NBEA: variants seen among roughly 807,000 people sequenced by gnomAD.
The protein encoded by NBEA is lysosomal-trafficking regulator 2.
A neutral mutation model predicts 343.4 loss-of-function variants in NBEA; 44 were observed. The ratio of observed to expected loss-of-function variants is 0.13; its 90% CI spans 0.10 to 0.16. NBEA has a LOEUF of 0.16. Ranked by LOEUF, NBEA falls within the 10% of genes least tolerant of loss-of-function variation. The pLI is 1.00. For missense variants in NBEA, 2,555 were observed against 3,631.3 expected (o/e 0.70, Z 7.62); for synonymous variants, 1,175 against 1,238.7 (o/e 0.95, Z 1.08).
At chr13:35,021,286 T>C (rs988556673) in intron 1 of NBEA, among the ~76,000 whole-genome samples, 14 of 152,208 alleles carry the variant, frequency 9.2e-5, no homozygotes, top group African/African-American at 3.4e-4. Flanking sequence ...GTAGTTATCA[T>C]GGAGACCAAA....
chr13:35,050,725 T>A (rs758010428), intron 6 of NBEA, among the ~76,000 whole-genome samples: 62 of 152,106 alleles, frequency 4.1e-4, no homozygotes, highest in Admixed American at 1.9e-3. Context: ...TGCCTTTTTT[T>A]AAAAAAGTTA....
At chr13:35,535,282 T>C (rs1204851795) in intron 41 of NBEA, among the ~76,000 whole-genome samples, 1 of 152,194 alleles carries the variant, frequency 6.6e-6, no homozygotes, top group African/African-American at 2.4e-5. Context: ...AGTTGAAGCA[T>C]GAAGGTGCTT....
At chr13:35,515,370 A>T (rs150803226) in intron 41 of NBEA, among the ~76,000 whole-genome samples, 1 of 152,196 alleles carries the variant, frequency 6.6e-6, no homozygotes, top group Non-Finnish European at 1.5e-5. Flanking sequence ...TAGGATACTG[A>T]CAAGGCACTT....
intron 1 of NBEA, among the ~76,000 whole-genome samples, chr13:34,981,997 A>C (rs1239068730): frequency 2.6e-5 from 4 of 151,610 alleles, no homozygotes; most frequent in Non-Finnish European, 5.9e-5. Flanking sequence ...TGGTTTATCA[A>C]CATTATTAAT....
intron 49 of NBEA, among the ~76,000 whole-genome samples, chr13:35,641,838 A>T (rs1048036554): frequency 2.6e-5 from 4 of 152,118 alleles, no homozygotes; most frequent in African/African-American, 9.7e-5. Context: ...ATGTATATAC[A>T]TACATATATA....
intron 10 of NBEA, among the ~76,000 whole-genome samples, chr13:35,083,698 A>G (rs2064557621): frequency 6.6e-6 from 1 of 152,180 alleles, no homozygotes; most frequent in South Asian, 2.1e-4. Flanking sequence ...AAACTGCATC[A>G]ACTAATGGGC....
intron 38 of NBEA, among the ~76,000 whole-genome samples, chr13:35,382,015 T>G (rs2042037184): frequency 6.6e-6 from 1 of 152,100 alleles, no homozygotes; most frequent in Non-Finnish European, 1.5e-5. Flanking sequence ...ACAGATATAA[T>G]AGGCATTCAT....
intron 47 of NBEA, among the ~76,000 whole-genome samples, chr13:35,599,114 A>C (rs907165327): frequency 6.6e-6 from 1 of 152,058 alleles, no homozygotes; most frequent in Non-Finnish European, 1.5e-5. Flanking sequence ...TTCCACCACT[A>C]CTTAAGAGGG....
chr13:35,315,781 T>C (rs1227202970), intron 36 of NBEA, among the ~76,000 whole-genome samples: 2 of 152,178 alleles, frequency 1.3e-5, no homozygotes, highest in Admixed American at 6.5e-5. Context: ...CATCCAAGTA[T>C]AATTTTTTAG....
intron 1 of NBEA, among the ~76,000 whole-genome samples, chr13:35,031,055 C>A (rs913658275): frequency 1.3e-4 from 20 of 151,624 alleles, no homozygotes; most frequent in African/African-American, 4.1e-4. Flanking sequence ...TTAGGAGATT[C>A]ATCTAAAAAA....
Position 35,051,329 on chromosome 13 carries a change from A to T in NBEA, c.972+934A>T, listed in dbSNP as rs1566211948. 2.0e-5 allele frequency among the ~76,000 whole-genome samples: 3 copies of T among 152,008 alleles called. No homozygotes were observed. The South Asian group carries it at 6.2e-4, about 31-fold the overall frequency. ...TAATGGTACAATCATAACAGATATGATGAACCCAAATGTGGTGAGGGGGAG... is the reference window on the plus strand; with the variant it reads ...TAATGGTACAATCATAACAGATATGTTGAACCCAAATGTGGTGAGGGGGAG... On this transcript the variant is annotated intron_variant, in intron 6 of 58. Transcript: ENST00000379939.
chr13:35,600,536 C>T lies in NBEA; in HGVS notation c.7297-5890C>T, dbSNP rs891137355. The stretch of plus-strand genomic sequence containing the variant: ...AGTCTCAGAAGTAATATTTTTGATC[C>T]GTGCCCCTAAAAAAAATTGAGACCA... On this transcript the variant is annotated intron_variant, in intron 47 of 58. Coordinates refer to ENST00000379939, the MANE Select transcript of NBEA (RefSeq NM_001385012.1). Among the ~76,000 whole-genome samples, 3 of 152,110 alleles carry T rather than the reference C, an allele frequency of 2.0e-5. No individual in the cohort carries two copies. In the East Asian group the frequency reaches 5.8e-4, roughly 29 times the overall value.
At chr13:35,220,900 C>G (rs1047613335) in intron 33 of NBEA, among the ~76,000 whole-genome samples, 9 of 152,056 alleles carry the variant, frequency 5.9e-5, no homozygotes, top group African/African-American at 2.2e-4. Context: ...TATCCTTTCC[C>G]CCTATGCCTA....
chr13:34,977,065 C>A (rs556536790), intron 1 of NBEA, among the ~76,000 whole-genome samples: 8 of 151,546 alleles, frequency 5.3e-5, no homozygotes, highest in African/African-American at 1.7e-4. Flanking sequence ...CTCAGCCTCC[C>A]AAGTAGCTGG....
intron 49 of NBEA, 133 bp downstream of exon 49, chr13:35,628,381 A>T (rs1395375978): frequency 4.4e-6 from 3 of 674,936 alleles, no homozygotes. Context: ...TTCTTGACAT[A>T]TGTGGAAAAA....
intron 31 of NBEA, among the ~76,000 whole-genome samples, chr13:35,206,768 G>C (rs530642009): frequency 1.3e-5 from 2 of 151,932 alleles, no homozygotes; most frequent in Admixed American, 6.6e-5. Context: ...TTAGTCTTAC[G>C]ATTTTACACT....
At chr13:35,050,813 A>G (rs574728468) in intron 6 of NBEA, among the ~76,000 whole-genome samples, 1 of 152,054 alleles carries the variant, frequency 6.6e-6, no homozygotes, top group Non-Finnish European at 1.5e-5. Context: ...GTAGTTCTGA[A>G]TATTGTTTCC....
intron 38 of NBEA, among the ~76,000 whole-genome samples, chr13:35,428,052 A>T (rs1234182027): frequency 5.9e-5 from 9 of 152,140 alleles, no homozygotes. Context: ...TTTGACTAGG[A>T]AAGGGAATTC....
intron 1 of NBEA, among the ~76,000 whole-genome samples, chr13:34,976,643 CTTTGTTTTTTG>C (rs1303316988): frequency 1.4e-5 from 2 of 143,886 alleles, no homozygotes; most frequent in Admixed American, 1.4e-4. Flanking sequence ...TTTCTTTTTT[CTTTGTTTTTTG>C]TTTTTTTTTT....
Sources: allele counts gnomAD v4.1 joint callset (sites outside exome capture counted in the v4.1 genomes callset), GRCh38; gene constraint gnomAD v4.1.1; transcripts MANE v1.5; gene names NCBI Gene and HGNC (gene_info 2026-07-23, HGNC 2026-07-21).